The following MEGF6 variants were observed in gnomAD, a reference collection of about 807,000 sequenced individuals.
The protein encoded by MEGF6 is multiple epidermal growth factor-like domains protein 6.
Under a neutral mutation model 207.1 loss-of-function variants are expected in MEGF6, and 184 were observed. That is an observed-to-expected ratio of 0.89 (90% CI 0.79 to 1.00). The LOEUF (loss-of-function observed/expected upper bound fraction) is 1.00. Ranked by LOEUF, MEGF6 falls within the 50% of genes least tolerant of loss-of-function variation. The pLI is 0.00. For synonymous variants in MEGF6, 1,038 were observed against 910.0 expected (o/e 1.14, Z -2.53); for missense variants, 2,282 against 2,202.9 (o/e 1.04, Z -0.72).
intron 2 of MEGF6, 111 bp from the exon 3 acceptor site, chr1:3,595,558 C>A: frequency 1.2e-6 from 1 of 867,162 alleles, no homozygotes; most frequent in African/African-American, 1.7e-5. Flanking sequence ...CCCGGCGGCA[C>A]AGGCTGCAGC....
At chr1:3,616,418 C>G (rs1056757581), upstream of MEGF6, among the ~76,000 whole-genome samples, 9 of 152,162 alleles carry the variant, frequency 5.9e-5, no homozygotes, top group African/African-American at 2.2e-4. Flanking sequence ...AACGACTGCC[C>G]CGTACCGCCC....
chr1:3,524,172 C>A lies in MEGF6; in HGVS notation c.556G>T (p.Glu186Ter), dbSNP rs1284389263. 3 of 1,612,842 alleles carry A rather than the reference C, an allele frequency of 1.9e-6. No individual in the cohort carries two copies. In the Admixed American group the frequency reaches 5.0e-5, roughly 27 times the overall value. ...CVNTPGSYLCECKPGFRLHTD... is the reference protein window; with the variant it reads ...CVNTPGSYLC ...TGGAGCCGGAAGCCGGGCTTGCACT[C>A]ACAGAGGTAGGAGCCTGGGGTGTTC... Residue 186 changes from glutamate to a stop codon, truncating the protein, a stop_gained, in exon 5 of 37, where the codon GAG becomes TAG. Transcript: ENST00000356575. LOFTEE classifies it high-confidence loss of function.
chr1:3,512,210 C>T, intron 7 of MEGF6, 82 bp from the exon 8 acceptor site: 1 of 1,501,536 alleles, frequency 6.7e-7, no homozygotes, highest in African/African-American at 1.4e-5. Context: ...AGTGCACGGC[C>T]TGCTGACACC....
rs1001985085 is a variant in MEGF6 at position 3,490,249 on chromosome 1, G to A, written c.*279C>T. 2.4e-5 allele frequency: 12 copies of A among 506,728 alleles called. No homozygotes were observed. Among genetic ancestry groups the A allele is most frequent in the African/African-American group, 4.1e-5 (2 of 49,246 alleles). The allele number at this position is 506,728 out of a possible 1,614,324, so 31.4% of individuals were successfully genotyped here. A position where few individuals can be genotyped will look rare whatever the true frequency, so the allele number is the denominator to read the frequency against. On this transcript the variant is annotated 3_prime_UTR_variant, in exon 37 of 37. Transcript: ENST00000356575. ...TCCAACTCAGAGCCGCGGGGAGAGC[G>A]GGACTTCCTCAGCCCAGGCCCAGAG... is the stretch of plus-strand genomic sequence containing the variant.
At chr1:3,517,857 G>C (rs1351434679) in intron 5 of MEGF6, among the ~76,000 whole-genome samples, 1 of 152,228 alleles carries the variant, frequency 6.6e-6, no homozygotes, top group Non-Finnish European at 1.5e-5. Context: ...ATGCGGGCTC[G>C]ACAGCAAGCC....
At chr1:3,597,550 T>C (rs1357710961) in intron 2 of MEGF6, among the ~76,000 whole-genome samples, 1 of 152,152 alleles carries the variant, frequency 6.6e-6, no homozygotes, top group Non-Finnish European at 1.5e-5. Context: ...CAAGTTAACA[T>C]GAGGTCATTC....
chr1:3,624,490 C>T, the MEGF6 span: 10 of 152,300 alleles, frequency 6.6e-5, no homozygotes, highest in African/African-American at 2.4e-4. Context: ...TGAAGAACGC[C>T]AGGTCCCGGC....
chr1:3,521,177 C>T (rs948420319), intron 5 of MEGF6, among the ~76,000 whole-genome samples: 10 of 152,140 alleles, frequency 6.6e-5, no homozygotes, highest in East Asian at 1.9e-4. Context: ...CCCAGGTTCC[C>T]GCTGAGCAGC....
rs562281434 is a variant in MEGF6, at chr1:3,506,621, TC to T, written c.1790-386del. Among the ~76,000 whole-genome samples, 244 of 152,226 alleles carry T rather than the reference TC, an allele frequency of 1.6e-3. 1 individual carries two copies. Among genetic ancestry groups the T allele is most frequent in the Middle Eastern group, 0.01 (3 of 294 alleles). On this transcript the variant is annotated intron_variant, in intron 14 of 36. Coordinates refer to ENST00000356575, the MANE Select transcript of MEGF6 (RefSeq NM_001409.4). ...GGACACGTGGCCCCAGTAGACAAGG[TC>T]CCAGGCCCAAGCCGCAGGTGGCCCC...
intron 5 of MEGF6, among the ~76,000 whole-genome samples, chr1:3,518,866 C>CCCCT (rs2101123945): frequency 1.3e-5 from 2 of 152,270 alleles, no homozygotes; most frequent in East Asian, 3.9e-4. Flanking sequence ...TCCCCCAGCT[C>CCCCT]CCCTCCAGGC....
In MEGF6 at chr1:3,494,080, A is replaced by C. The variant is rs61742508; in HGVS notation, c.4174T>G (p.Trp1392Gly). The change falls in exon 33 of 37, where the codon TGG becomes GGG. Residue 1392 changes from tryptophan (W) to glycine (G), a missense_variant. Trp to Gly is a radical substitution (Grantham distance 184). Coordinates refer to ENST00000356575, the MANE Select transcript of MEGF6 (RefSeq NM_001409.4). ...TCGCAGGGGGCTCCATGTTGACACC[A>C]GCACAACCCCTGGCAGCCAGCCCCG... ...FHGAGCQGLC[W>G]CQHGAPCDPI... 1 of 1,596,044 alleles carries C rather than the reference A, an allele frequency of 6.3e-7. No individual in the cohort carries two copies. Among genetic ancestry groups the C allele is most frequent in the African/African-American group, 1.3e-5 (1 of 74,548 alleles).
chr1:3,552,327 A>G (rs1232869817), intron 4 of MEGF6, among the ~76,000 whole-genome samples: 1 of 152,172 alleles, frequency 6.6e-6, no homozygotes, highest in Non-Finnish European at 1.5e-5. Context: ...ACAGGAACAC[A>G]AGCTGCCTGG....
chr1:3,552,266 C>A (rs1016067883), intron 4 of MEGF6, among the ~76,000 whole-genome samples: 2 of 152,240 alleles, frequency 1.3e-5, no homozygotes, highest in African/African-American at 4.8e-5. Flanking sequence ...GCAGGGCCTT[C>A]TCCCTGCTCC....
At position 3,499,012 on chromosome 1, in the gene MEGF6, C is replaced by T. The variant is rs759229215; in HGVS notation, c.3094+126G>A. ...TGGAGAGGGGCACAGGTGAAAGGCA[C>T]GGTCCTCAGTCCTAACAGCCCCTTC... On this transcript the variant is annotated intron_variant, in intron 24 of 36. Transcript: ENST00000356575. 20 of 1,433,200 alleles carry T rather than the reference C, an allele frequency of 1.4e-5. No individual in the cohort carries two copies. In the Middle Eastern group the frequency reaches 7.4e-4, roughly 53 times the overall value. The allele number at this position is 1,433,200 out of a possible 1,614,324, so 88.8% of individuals were successfully genotyped here. A position where few individuals can be genotyped will look rare whatever the true frequency, so the allele number is the denominator to read the frequency against.
At chr1:3,540,759 G>T (rs1642490012) in intron 4 of MEGF6, among the ~76,000 whole-genome samples, 1 of 152,144 alleles carries the variant, frequency 6.6e-6, no homozygotes, top group Non-Finnish European at 1.5e-5. Context: ...ATCTTTTCTG[G>T]GGCAGTCATC....
chr1:3,574,418 A>G (rs1643587023), intron 4 of MEGF6, among the ~76,000 whole-genome samples: 1 of 152,132 alleles, frequency 6.6e-6, no homozygotes, highest in Non-Finnish European at 1.5e-5. Context: ...AACCTTCCCC[A>G]GCCCACAGGC....
Position 3,515,393 on chromosome 1 carries a change from A to G in MEGF6, c.730+9T>C. 6.2e-7 allele frequency: 1 copy of G among 1,609,146 alleles called. No homozygotes were observed. Among genetic ancestry groups the G allele is most frequent in the Non-Finnish European group, 8.5e-7 (1 of 1,178,462 alleles). On this transcript the variant is annotated intron_variant, in intron 6 of 36. Coordinates refer to ENST00000356575, the MANE Select transcript of MEGF6 (RefSeq NM_001409.4). ...CCCAGGTCCTCCCTCCCAGGCTGGC[A>G]GCACTCACGGACACAATGCCTGCCG...
chr1:3,492,738 A>C lies in MEGF6; in HGVS notation c.4417T>G (p.Cys1473Gly). ...CCCCCGCAGTCACAGTGCAGGGTGC[A>C]GCTGGGCCCAAACTGGCCCCTTCTG... ...DCRRGQFGPS[C>G]TLHCDCGGGA... The change falls in exon 35 of 37, where the codon TGC becomes GGC. Residue 1473 changes from cysteine (C) to glycine (G), a missense_variant. Physicochemically the swap from Cys to Gly is radical, Grantham distance 159 (BLOSUM62 -3). Coordinates refer to ENST00000356575, the MANE Select transcript of MEGF6 (RefSeq NM_001409.4). 6.2e-7 allele frequency: 1 copy of C among 1,612,414 alleles called. No homozygotes were observed. The highest frequency in any genetic ancestry group is 8.5e-7 in the Non-Finnish European group (1 of 1,179,736).
chr1:3,507,784 G>A lies in MEGF6; in HGVS notation c.1789+11C>T. On this transcript the variant is annotated intron_variant, in intron 14 of 36. Coordinates refer to ENST00000356575, the MANE Select transcript of MEGF6 (RefSeq NM_001409.4). ...GGTAATTCCAGAAGCACCAGAAGAG[G>A]CTGCACGCACCATCCTCACAGTTAG... is the stretch of plus-strand genomic sequence containing the variant. 6.2e-7 allele frequency: 1 copy of A among 1,612,706 alleles called. No homozygotes were observed. Among genetic ancestry groups the A allele is most frequent in the East Asian group, 2.2e-5 (1 of 44,878 alleles).
Sources: allele counts gnomAD v4.1 joint callset (sites outside exome capture counted in the v4.1 genomes callset), GRCh38; gene constraint gnomAD v4.1.1; transcripts MANE v1.5; gene names NCBI Gene and HGNC (gene_info 2026-07-23, HGNC 2026-07-21).